The following TMEM132D variants were observed in gnomAD, a reference collection of about 807,000 sequenced individuals.
The protein encoded by TMEM132D is transmembrane protein 132D.
Under a neutral mutation model 62.3 loss-of-function variants are expected in TMEM132D, and 21 were observed. The ratio of observed to expected loss-of-function variants is 0.34; its 90% CI spans 0.24 to 0.49. The LOEUF is 0.49. Ranked by LOEUF, TMEM132D falls within the 20% of genes least tolerant of loss-of-function variation. TMEM132D has a pLI of 0.99. For missense variants in TMEM132D, 1,346 were observed against 1,402.8 expected (o/e 0.96, Z 0.65); for synonymous variants, 621 against 575.6 (o/e 1.08, Z -1.13).
intron 1 of TMEM132D, among the ~76,000 whole-genome samples, chr12:129,706,284 T>C (rs550891042): frequency 6.6e-6 from 1 of 151,928 alleles, no homozygotes; most frequent in Non-Finnish European, 1.5e-5. Flanking sequence ...TAAAAATTAA[T>C]GAATAAATAA....
intron 4 of TMEM132D, among the ~76,000 whole-genome samples, chr12:129,328,621 G>A (rs1479413679): frequency 6.6e-6 from 1 of 152,218 alleles, no homozygotes; most frequent in Non-Finnish European, 1.5e-5. Context: ...CAGTGGCTTT[G>A]TGCATAATAA....
chr12:129,786,115 C>A (rs550770122), intron 1 of TMEM132D, among the ~76,000 whole-genome samples: 1 of 152,168 alleles, frequency 6.6e-6, no homozygotes, highest in Non-Finnish European at 1.5e-5. Flanking sequence ...TTCCACCCCC[C>A]AGGCCTGGGC....
chr12:129,152,856 C>G (rs1474914027), intron 5 of TMEM132D, among the ~76,000 whole-genome samples: 1 of 152,188 alleles, frequency 6.6e-6, no homozygotes, highest in African/African-American at 2.4e-5. Flanking sequence ...TAGTTTCAGC[C>G]AACAGGAGGC....
At chr12:129,502,320 A>T (rs2137068184) in intron 3 of TMEM132D, among the ~76,000 whole-genome samples, 1 of 152,196 alleles carries the variant, frequency 6.6e-6, no homozygotes, top group South Asian at 2.1e-4. Context: ...TCTTAATCCA[A>T]GTTCGCTACC....
chr12:129,086,201 CGTGTGTGT>C (rs1218792744), intron 5 of TMEM132D, among the ~76,000 whole-genome samples: 7 of 141,038 alleles, frequency 5.0e-5, no homozygotes, highest in South Asian at 2.2e-4. Context: ...CACGCGCGCG[CGTGTGTGT>C]GTGTGTGTGT....
chr12:129,748,624 G>A (rs767517568), intron 1 of TMEM132D, among the ~76,000 whole-genome samples: 2 of 152,166 alleles, frequency 1.3e-5, no homozygotes, highest in African/African-American at 2.4e-5. Context: ...GTTCTGGAAC[G>A]AAGAGGAATG....
chr12:129,661,150 T>C (rs1341091514), intron 2 of TMEM132D, among the ~76,000 whole-genome samples: 1 of 152,094 alleles, frequency 6.6e-6, no homozygotes, highest in Non-Finnish European at 1.5e-5. Context: ...ACAGTGGCCA[T>C]TTGCATACAG....
chr12:129,623,694 C>CAT (rs911942512), intron 2 of TMEM132D, among the ~76,000 whole-genome samples: 2 of 137,850 alleles, frequency 1.5e-5, no homozygotes, highest in Non-Finnish European at 1.5e-5. Flanking sequence ...TACATATATA[C>CAT]ATATATATAC....
intron 5 of TMEM132D, among the ~76,000 whole-genome samples, chr12:129,136,819 C>A (rs996064141): frequency 9.5e-6 from 1 of 105,404 alleles, no homozygotes; most frequent in African/African-American, 3.9e-5. Context: ...ATCATCACAT[C>A]AATACCATCA....
intron 1 of TMEM132D, among the ~76,000 whole-genome samples, chr12:129,798,304 A>AT (rs1242953046): frequency 6.6e-6 from 1 of 152,298 alleles, no homozygotes; most frequent in African/African-American, 2.4e-5. Flanking sequence ...ACGGAGTCAG[A>AT]TTTTTTTAAA....
At position 129,575,193 on chromosome 12, in the gene TMEM132D, G is replaced by T. The variant is rs1038114198; in HGVS notation, c.969-43988C>A. ...TTTTCTCTAGCTTACTTGATTCTAA[G>T]AATACAGTATCTAATACATATAACA... On this transcript the variant is annotated intron_variant, in intron 2 of 8. Transcript: ENST00000422113. Among the ~76,000 whole-genome samples the T allele has an allele frequency of 1.3e-5, 2 of 151,850 alleles. 1 individual carries two copies. Among genetic ancestry groups the T allele is most frequent in the South Asian group, 4.1e-4 (2 of 4,822 alleles).
At chr12:129,589,202 C>A (rs1296448294) in intron 2 of TMEM132D, among the ~76,000 whole-genome samples, 1 of 152,034 alleles carries the variant, frequency 6.6e-6, no homozygotes, top group Non-Finnish European at 1.5e-5. Context: ...TAGTTTACCC[C>A]ATACTGTTCT....
At chr12:129,431,933 C>T (rs1365923633) in intron 3 of TMEM132D, among the ~76,000 whole-genome samples, 1 of 152,202 alleles carries the variant, frequency 6.6e-6, no homozygotes, top group Non-Finnish European at 1.5e-5. Flanking sequence ...GTCTTTAGTG[C>T]TCCTCTCCCA....
rs115419373 is a variant in TMEM132D at position 129,368,603 on chromosome 12, C to T, written c.1116-30786G>A. ...TTATTATTATTATTTTTTTTACACT[C>T]CACCATACAGACCCCATAAGTTCTG... is the stretch of plus-strand genomic sequence containing the variant. On this transcript the variant is annotated intron_variant, in intron 3 of 8. Transcript: ENST00000422113. Among the ~76,000 whole-genome samples the T allele has an allele frequency of 4.9e-3, 743 of 152,058 alleles. 7 individuals carry two copies. The highest frequency in any genetic ancestry group is 0.017 in the African/African-American group (706 of 41,478).
intron 3 of TMEM132D, among the ~76,000 whole-genome samples, chr12:129,492,482 G>A (rs915383418): frequency 1.1e-4 from 17 of 152,166 alleles, no homozygotes; most frequent in African/African-American, 4.1e-4. Context: ...CATGACAATT[G>A]GTGCACAAAA....
At chr12:129,116,927 A>G (rs1209644064) in intron 5 of TMEM132D, among the ~76,000 whole-genome samples, 4 of 148,860 alleles carry the variant, frequency 2.7e-5, no homozygotes, top group Non-Finnish European at 5.9e-5. Flanking sequence ...GCAAAAAAAA[A>G]AAAAAAAAAA....
chr12:129,358,735 C>A (rs1021842939), intron 3 of TMEM132D, among the ~76,000 whole-genome samples: 3 of 152,132 alleles, frequency 2.0e-5, no homozygotes, highest in Admixed American at 6.5e-5. Flanking sequence ...AGGACAGTTT[C>A]TCAGAGGAGA....
At chr12:129,646,549 A>G (rs984734818) in intron 2 of TMEM132D, among the ~76,000 whole-genome samples, 1 of 152,156 alleles carries the variant, frequency 6.6e-6, no homozygotes, top group Non-Finnish European at 1.5e-5. Flanking sequence ...TATAATGAAC[A>G]TTCATGTCCC....
intron 5 of TMEM132D, among the ~76,000 whole-genome samples, chr12:129,142,422 A>G (rs569141353): frequency 6.6e-6 from 1 of 152,198 alleles, no homozygotes; most frequent in Non-Finnish European, 1.5e-5. Flanking sequence ...CACCCTTGTC[A>G]TCTATGGGCT....
Sources: gnomAD v4.1 joint callset for allele counts (sites outside exome capture counted in the v4.1 genomes callset) on GRCh38, gnomAD v4.1.1 for gene constraint, MANE v1.5 for transcripts, NCBI Gene and HGNC (gene_info 2026-07-23, HGNC 2026-07-21) for gene names.